Variants in ABCB5 observed in about 807,000 individuals in gnomAD.
ABCB5 encodes the protein ATP binding cassette subfamily B member 5.
Under a neutral mutation model 144.2 loss-of-function variants are expected in ABCB5, and 155 were observed. That is an observed-to-expected ratio of 1.08 (90% confidence interval 0.94 to 1.23). The LOEUF (loss-of-function observed/expected upper bound fraction) is 1.23. Ranked by LOEUF, ABCB5 falls within the 50% of genes most tolerant of loss-of-function variation. ABCB5 has a pLI of 0.00. For missense variants in ABCB5, 1,830 were observed against 1,520.8 expected, an observed-to-expected ratio of 1.20 and a Z score of -3.38; for synonymous variants, 610 against 528.6, an observed-to-expected ratio of 1.15 and a Z score of -2.11.
Position 20,651,577 on chromosome 7 carries a change from C to T in ABCB5, c.1490C>T (p.Ala497Val). 6.2e-7 allele frequency: 1 copy of T among 1,614,066 alleles called. No homozygotes were observed. Among genetic ancestry groups the T allele is most frequent in the Middle Eastern group, 1.6e-4 (1 of 6,062 alleles). The change falls in exon 13 of 28, where the codon GCA becomes GTA. Residue 497 changes from alanine to valine, a missense_variant. Ala to Val is a moderately conservative substitution (Grantham distance 64). Transcript: ENST00000404938. Reference protein sequence around the residue: ...DDVTDEEMERAAREANAYDFI... With the variant: ...DDVTDEEMERVAREANAYDFI... Reference sequence around the variant, plus strand: ...GTGACTGATGAAGAGATGGAGAGAGCAGCAAGGGAAGCAAATGCGTATGAT... The same window carrying T: ...GTGACTGATGAAGAGATGGAGAGAGTAGCAAGGGAAGCAAATGCGTATGAT...
chr7:20,713,984 C>T (rs550116511), intron 20 of ABCB5, among the ~76,000 whole-genome samples: 1 of 152,326 alleles, frequency 6.6e-6, no homozygotes, highest in African/African-American at 2.4e-5. Flanking sequence ...GGGCTCTTTG[C>T]ACTGCCACCT....
At chr7:20,665,287 A>G (rs1280944579) in intron 14 of ABCB5, among the ~76,000 whole-genome samples, 1 of 152,094 alleles carries the variant, frequency 6.6e-6, no homozygotes, top group African/African-American at 2.4e-5. Flanking sequence ...AGTTCCTGAT[A>G]TTTTGCTATT....
Position 20,743,192 on chromosome 7 carries a change from G to A in ABCB5, c.3222+118G>A, listed in dbSNP as rs1002833347. 17 of 1,087,470 alleles carry A rather than the reference G, an allele frequency of 1.6e-5. No homozygotes were observed. In the Admixed American group the frequency reaches 2.3e-4, roughly 15 times the overall value. 67.4% of individuals were successfully genotyped at this position (1,087,470 alleles called of 1,614,324 possible). A position where few individuals can be genotyped will look rare whatever the true frequency, so the allele number is the denominator to read the frequency against. Reference sequence around the variant, plus strand: ...GGGCAAACAATGCAGAAGTTAAAAAGAAAAAAAATCTCTGTGTCAACCCTT... The same window carrying A: ...GGGCAAACAATGCAGAAGTTAAAAAAAAAAAAAATCTCTGTGTCAACCCTT... On this transcript the variant is annotated intron_variant, in intron 25 of 27. Transcript: ENST00000404938.
At position 20,658,540 on chromosome 7, in the gene ABCB5, A is replaced by T; in HGVS notation, c.1571A>T (p.Gln524Leu). The change falls in exon 14 of 28, where the codon CAA becomes CTA. Residue 524 changes from glutamine (Q) to leucine (L), a missense_variant. Physicochemically the swap from Gln to Leu is moderately radical, Grantham distance 113 (BLOSUM62 -2). Transcript: ENST00000404938. ...FNTLVGEKGA[Q>L]MSGGQKQRIA... ...ACATTGGTAGGGGAAAAAGGAGCTC[A>T]AATGAGTGGAGGGCAGAAACAGAGG... 6.2e-7 allele frequency: 1 copy of T among 1,614,170 alleles called. No individual in the cohort carries two copies. Among genetic ancestry groups the T allele is most frequent in the Non-Finnish European group, 8.5e-7 (1 of 1,180,034 alleles).
At chr7:20,669,164 C>T (rs1415061653) in intron 14 of ABCB5, among the ~76,000 whole-genome samples, 7 of 149,304 alleles carry the variant, frequency 4.7e-5, no homozygotes, top group South Asian at 2.2e-4. Context: ...CGCTTCTGCC[C>T]GGCCGCCCCT....
intron 14 of ABCB5, among the ~76,000 whole-genome samples, chr7:20,663,119 A>T (rs67397922): frequency 0.23 from 35,614 of 152,144 alleles, 6,895 homozygotes; most frequent in African/African-American, 0.52. Context: ...CTTCTGCCTC[A>T]TTCTTGTAAC....
At chr7:20,708,462 C>G (rs1295980770) in intron 20 of ABCB5, among the ~76,000 whole-genome samples, 2 of 152,228 alleles carry the variant, frequency 1.3e-5, no homozygotes, top group Non-Finnish European at 2.9e-5. Flanking sequence ...CATAATTGTC[C>G]TACTGCACTG....
intron 24 of ABCB5, among the ~76,000 whole-genome samples, chr7:20,739,812 A>G (rs983714878): frequency 6.6e-6 from 1 of 152,208 alleles, no homozygotes; most frequent in African/African-American, 2.4e-5. Flanking sequence ...CAAAGGGGAA[A>G]AAAAGGAAAG....
chr7:20,744,891 T>C (rs533137800), intron 25 of ABCB5, among the ~76,000 whole-genome samples: 119 of 152,228 alleles, frequency 7.8e-4, no homozygotes, highest in South Asian at 5.8e-3. Context: ...AAATATGAGA[T>C]GGTGTTGTTA....
intron 26 of ABCB5, among the ~76,000 whole-genome samples, chr7:20,750,134 G>A (rs1210408328): frequency 1.3e-5 from 2 of 152,174 alleles, no homozygotes; most frequent in Non-Finnish European, 2.9e-5. Context: ...ACGGTAGAGA[G>A]TGACAAAGAC....
At chr7:20,625,118 T>C (rs143179303) in intron 2 of ABCB5, among the ~76,000 whole-genome samples, 1 of 152,084 alleles carries the variant, frequency 6.6e-6, no homozygotes, top group Non-Finnish European at 1.5e-5. Flanking sequence ...CATCTAGAGG[T>C]GAGGAAAGGG....
intron 14 of ABCB5, among the ~76,000 whole-genome samples, chr7:20,677,476 T>C (rs1428335530): frequency 6.6e-6 from 1 of 152,130 alleles, no homozygotes; most frequent in African/African-American, 2.4e-5. Context: ...TTGCCAGTAA[T>C]CCAGCACTTT....
At chr7:20,701,253 T>C (rs1423226072) in intron 19 of ABCB5, among the ~76,000 whole-genome samples, 1 of 152,262 alleles carries the variant, frequency 6.6e-6, no homozygotes, top group East Asian at 1.9e-4. Flanking sequence ...ATGAATACTT[T>C]AGGTCTTTAC....
chr7:20,686,697 T>C (rs1786013427), intron 16 of ABCB5, among the ~76,000 whole-genome samples: 1 of 152,114 alleles, frequency 6.6e-6, no homozygotes, highest in Admixed American at 6.6e-5. Flanking sequence ...GTATCTCAGC[T>C]TCAGTCCCCT....
At chr7:20,745,496 C>T (rs1192430792) in intron 26 of ABCB5, 58 bp downstream of exon 26, 1 of 1,504,660 alleles carries the variant, frequency 6.6e-7, no homozygotes, top group Admixed American at 1.7e-5. Flanking sequence ...TAAGTAGCTA[C>T]TGGGCCTATG....
At chr7:20,668,475 C>T (rs1411875738) in intron 14 of ABCB5, among the ~76,000 whole-genome samples, 125 of 149,948 alleles carry the variant, frequency 8.3e-4, no homozygotes, top group African/African-American at 3.0e-3. Context: ...GCGAGGAAAC[C>T]CTCTGCCTGG....
chr7:20,634,238 TTG>T (rs10688708), intron 5 of ABCB5, among the ~76,000 whole-genome samples: 2,454 of 140,510 alleles, frequency 0.017, 25 homozygotes, highest in Non-Finnish European at 0.024. Flanking sequence ...GTATTCCATG[TTG>T]TGTGTGTGTG....
chr7:20,732,463 T>C (rs1231232610), intron 23 of ABCB5, among the ~76,000 whole-genome samples: 1 of 152,228 alleles, frequency 6.6e-6, no homozygotes, highest in Admixed American at 6.5e-5. Context: ...TTCACTGATG[T>C]TTCCCAAAAG....
At chr7:20,677,294 A>T (rs1398689194) in intron 14 of ABCB5, among the ~76,000 whole-genome samples, 2 of 152,220 alleles carry the variant, frequency 1.3e-5, no homozygotes, top group East Asian at 3.8e-4. Context: ...GGGGAGCATA[A>T]CTGTCCATTC....
Sources: gnomAD v4.1 joint callset for allele counts (sites outside exome capture counted in the v4.1 genomes callset) on GRCh38, gnomAD v4.1.1 for gene constraint, MANE v1.5 for transcripts, NCBI Gene and HGNC (gene_info 2026-07-23, HGNC 2026-07-21) for gene names.